Variants in USP30 observed in about 807,000 individuals in gnomAD.
The protein encoded by USP30 is ubiquitin specific peptidase 30.
A neutral mutation model predicts 68.2 loss-of-function variants in USP30; 41 were observed. The ratio of observed to expected loss-of-function variants is 0.60; its 90% CI spans 0.47 to 0.78. The LOEUF (loss-of-function observed/expected upper bound fraction) is 0.78. Ranked by LOEUF, USP30 falls within the 30% of genes least tolerant of loss-of-function variation. The pLI is 0.00. For synonymous variants in USP30, 229 were observed against 253.7 expected, an observed-to-expected ratio of 0.90 and a Z score of 0.93; for missense variants, 522 against 649.4, an observed-to-expected ratio of 0.80 and a Z score of 2.13.
At chr12:109,073,356 C>T in intron 6 of USP30, 82 bp from the exon 7 acceptor site, 9 of 959,334 alleles carry the variant, frequency 9.4e-6, no homozygotes, top group South Asian at 4.1e-5. Context: ...TAGTTTCTAC[C>T]ACATGCTAGA....
At chr12:109,049,542 C>T (rs898901137), upstream of USP30, among the ~76,000 whole-genome samples, 5 of 152,138 alleles carry the variant, frequency 3.3e-5, no homozygotes, top group Non-Finnish European at 5.9e-5. Context: ...GGACCAGGCA[C>T]GGTGGCTCAC....
At chr12:109,051,571 T>TG (rs2040674582), upstream of USP30, among the ~76,000 whole-genome samples, 1 of 49,778 alleles carries the variant, frequency 2.0e-5, no homozygotes, top group Non-Finnish European at 3.8e-5. Context: ...GCACCTGACC[T>TG]CTTTTTTTTT....
At chr12:109,028,183 C>G (rs2040457831) in intron 3 of USP30, among the ~76,000 whole-genome samples, 1 of 152,218 alleles carries the variant, frequency 6.6e-6, no homozygotes, top group African/African-American at 2.4e-5. Context: ...AATGTCTATG[C>G]AAGCCCCTCA....
intron 3 of USP30, among the ~76,000 whole-genome samples, chr12:109,032,335 A>G (rs1482219846): frequency 6.6e-6 from 1 of 152,186 alleles, no homozygotes; most frequent in South Asian, 2.1e-4. Flanking sequence ...CAAAACTTGT[A>G]TTTAAATGTT....
chr12:109,065,997 A>G (rs2041235053), intron 3 of USP30, among the ~76,000 whole-genome samples: 4 of 152,192 alleles, frequency 2.6e-5, no homozygotes, highest in Admixed American at 2.6e-4. Flanking sequence ...CACACCTGTA[A>G]TCCCAGCACG....
chr12:109,082,808 C>T, intron 10 of USP30, 35 bp from the exon 11 acceptor site: 1 of 1,609,844 alleles, frequency 6.2e-7, no homozygotes, highest in Non-Finnish European at 8.5e-7. Flanking sequence ...GCCCCTGAAA[C>T]AACTCGGTTC....
intron 7 of USP30, among the ~76,000 whole-genome samples, chr12:109,075,987 C>G (rs546242140): frequency 3.3e-5 from 5 of 151,614 alleles, no homozygotes; most frequent in Non-Finnish European, 7.4e-5. Context: ...GTTGCCTTTT[C>G]ATTTTGTTGA....
intron 3 of USP30, among the ~76,000 whole-genome samples, chr12:109,045,171 G>A (rs953848705): frequency 6.6e-6 from 1 of 151,914 alleles, no homozygotes; most frequent in Non-Finnish European, 1.5e-5. Flanking sequence ...TAGAGACGGG[G>A]TTTCACCATG....
At chr12:109,077,139 C>T (rs1010812942) in intron 7 of USP30, among the ~76,000 whole-genome samples, 2 of 152,106 alleles carry the variant, frequency 1.3e-5, no homozygotes, top group South Asian at 2.1e-4. Flanking sequence ...CTAATATTTC[C>T]TAAAGGATAT....
chr12:109,034,647 G>C (rs1021054361), intron 3 of USP30, among the ~76,000 whole-genome samples: 1 of 152,198 alleles, frequency 6.6e-6, no homozygotes, highest in African/African-American at 2.4e-5. Context: ...ACAGTTTATA[G>C]TGTTGTTCAC....
intron 11 of USP30, among the ~76,000 whole-genome samples, chr12:109,083,346 A>G (rs111682301): frequency 0.029 from 4,420 of 152,308 alleles, 211 homozygotes; most frequent in African/African-American, 0.1. Flanking sequence ...TTTCCGCTAA[A>G]TGATATAATC....
intron 1 of USP30, 101 bp downstream of exon 1, chr12:109,052,862 C>A: frequency 8.3e-7 from 1 of 1,203,340 alleles, no homozygotes; most frequent in Non-Finnish European, 1.1e-6. Context: ...TCTCCAGGGC[C>A]CGCGCGGGCA....
intron 12 of USP30, 126 bp downstream of exon 12, chr12:109,085,199 C>A: frequency 9.4e-7 from 1 of 1,059,054 alleles, no homozygotes; most frequent in Non-Finnish European, 1.3e-6. Context: ...TGAAGTTTCA[C>A]GATTACACAT....
intron 6 of USP30, among the ~76,000 whole-genome samples, chr12:109,072,863 G>A (rs775537340): frequency 6.6e-6 from 1 of 152,186 alleles, no homozygotes; most frequent in Admixed American, 6.5e-5. Context: ...TGATGATACT[G>A]GAGTTAATGG....
Position 109,082,590 on chromosome 12 carries a change from C to G in USP30, c.868-73C>G, listed in dbSNP as rs541943823. On this transcript the variant is annotated intron_variant, in intron 9 of 12. Transcript: ENST00000257548. ...TGCCAATTGTGTGCCGCTATAACAC[C>G]ACTGTGGTCTGCAGCACTCCAAAGC... 22 of 1,456,398 alleles carry G rather than the reference C, an allele frequency of 1.5e-5. No homozygotes were observed. In the South Asian group the frequency reaches 2.6e-4, roughly 17 times the overall value. The allele number at this position is 1,456,398 out of a possible 1,614,324, so 90.2% of individuals were successfully genotyped here. A position where few individuals can be genotyped will look rare whatever the true frequency, so the allele number is the denominator to read the frequency against.
Position 109,023,716 on chromosome 12 carries a change from C to T in USP30, c.-498+549C>T, listed in dbSNP as rs371336695. Among the ~76,000 whole-genome samples the T allele has an allele frequency of 1.6e-4, 23 of 142,048 alleles. No individual in the cohort carries two copies. In the East Asian group the frequency reaches 2.2e-3, roughly 13 times the overall value. 93.2% of individuals were successfully genotyped at this position (142,048 alleles called of 152,430 possible). On this transcript the variant is annotated intron_variant, in intron 1 of 15. Transcript: ENST00000392784. Reference sequence around the variant, plus strand: ...TGGCGCAATCTCGGCTCACTGCTACCTCCACCTCCCGGATTCAAGCAATTC... The same window carrying T: ...TGGCGCAATCTCGGCTCACTGCTACTTCCACCTCCCGGATTCAAGCAATTC...
At chr12:109,024,192 G>T (rs577061523) in intron 1 of USP30, among the ~76,000 whole-genome samples, 59 of 152,256 alleles carry the variant, frequency 3.9e-4, no homozygotes, top group South Asian at 8.3e-4. Flanking sequence ...ATAAAATGGA[G>T]GTGAAGGACC....
intron 3 of USP30, among the ~76,000 whole-genome samples, chr12:109,038,722 C>T (rs1161722210): frequency 6.6e-6 from 1 of 152,146 alleles, no homozygotes; most frequent in African/African-American, 2.4e-5. Context: ...TATTATTTTA[C>T]ATTCCTGCTA....
Position 109,067,580 on chromosome 12 carries a change from G to A in USP30, c.433G>A (p.Asp145Asn), listed in dbSNP as rs139314514. ...GGTCTTAGATGCAAGCTGCTTGTTG[G>A]ATGTCTTAAGAATGTACAGATGGCA... ...DEVLDASCLL[D>N]VLRMYRWQIS... Residue 145 changes from aspartate (D) to asparagine (N), a missense_variant, in exon 4 of 13, where the codon GAT (aspartate) becomes AAT (asparagine). Asp to Asn is a conservative substitution (Grantham distance 23). Coordinates refer to ENST00000257548, the MANE Select transcript of USP30 (RefSeq NM_032663.5). 2 of 1,614,162 alleles carry A rather than the reference G, an allele frequency of 1.2e-6. No homozygotes were observed. The highest frequency in any genetic ancestry group is 1.7e-6 in the Non-Finnish European group (2 of 1,180,010).
Sources: gnomAD v4.1 joint callset for allele counts (sites outside exome capture counted in the v4.1 genomes callset) on GRCh38, gnomAD v4.1.1 for gene constraint, MANE v1.5 for transcripts, NCBI Gene and HGNC (gene_info 2026-07-23, HGNC 2026-07-21) for gene names.